Variants in PCSK2 observed in about 807,000 individuals in gnomAD.
The protein encoded by PCSK2 is neuroendocrine convertase 2.
A neutral mutation model predicts 69.7 loss-of-function variants in PCSK2; 14 were observed. That is an observed-to-expected ratio of 0.20 (90% CI 0.13 to 0.31). The LOEUF (loss-of-function observed/expected upper bound fraction) is 0.31, where lower values mean the gene tolerates loss of function less well. Among genes scored for constraint, PCSK2 ranks in the 10% least tolerant of loss-of-function variants. The probability of loss-of-function intolerance (pLI) is 1.00; values close to 1 mark genes in which losing one functional copy is unlikely to be tolerated. For synonymous variants in PCSK2, 307 were observed against 320.7 expected (o/e 0.96, Z 0.46); for missense variants, 544 against 842.5 (o/e 0.65, Z 4.39).
rs1215392652 is a variant in PCSK2 at position 17,268,031 on chromosome 20, GTGTATATATATATATA to G, written c.282+7689_282+7704del. Among the ~76,000 whole-genome samples the G allele has an allele frequency of 9.6e-3, 1,131 of 117,788 alleles. 39 individuals are homozygous for G. The highest frequency in any genetic ancestry group is 0.03 in the African/African-American group (1,025 of 34,168). 77.3% of individuals were successfully genotyped at this position (117,788 alleles called of 152,430 possible). On this transcript the variant is annotated intron_variant, in intron 2 of 11. Transcript: ENST00000262545. ...AAGGAAATGCATTTATATATCCAAT[GTGTATATATATATATA>G]TATATATATATATATAATGCATTTA...
Position 17,481,388 on chromosome 20 carries a change from CAAA to C in PCSK2, c.1431-172_1431-170del, listed in dbSNP as rs3076146. On this transcript the variant is annotated intron_variant, in intron 11 of 11. Transcript: ENST00000262545. ...CAGAGTGGGACCCTGTCTCAAAAGA[CAAA>C]AAAAAAAAAAAAAAAAAAAAAAAGA... Among the ~76,000 whole-genome samples, 278 of 65,672 alleles carry C rather than the reference CAAA, an allele frequency of 4.2e-3. 5 individuals carry two copies. The highest frequency in any genetic ancestry group is 0.018 in the African/African-American group (232 of 13,170). 43.1% of individuals were successfully genotyped at this position (65,672 alleles called of 152,430 possible).
intron 2 of PCSK2, among the ~76,000 whole-genome samples, chr20:17,315,434 T>A (rs1989652894): frequency 6.6e-6 from 1 of 152,218 alleles, no homozygotes; most frequent in Admixed American, 6.5e-5. Flanking sequence ...AGGGAACCCG[T>A]GGGTGGCCGA....
rs187939925 is a variant in PCSK2 at position 17,384,864 on chromosome 20, G to A, written c.543+15587G>A. Among the ~76,000 whole-genome samples the A allele has an allele frequency of 7.3e-4, 111 of 152,226 alleles. 1 individual carries two copies. The highest frequency in any genetic ancestry group is 1.5e-3 in the Non-Finnish European group (102 of 68,014). ...GAGGATCTATTGAGCCTAAGTCGAAGCTACGGTGAGCCACAATCACACCAC... is the reference window on the plus strand; with the variant it reads ...GAGGATCTATTGAGCCTAAGTCGAAACTACGGTGAGCCACAATCACACCAC... On this transcript the variant is annotated intron_variant, in intron 5 of 11. Transcript: ENST00000262545.
intron 2 of PCSK2, among the ~76,000 whole-genome samples, chr20:17,351,962 C>T (rs2030003240): frequency 6.6e-6 from 1 of 152,126 alleles, no homozygotes; most frequent in Non-Finnish European, 1.5e-5. Flanking sequence ...AAAGACTCAA[C>T]CAAAAGGCTC....
chr20:17,260,867 A>G (rs1385336085), intron 2 of PCSK2, among the ~76,000 whole-genome samples: 1 of 152,000 alleles, frequency 6.6e-6, no homozygotes, highest in Non-Finnish European at 1.5e-5. Context: ...TTTTTATCCT[A>G]TATTTTCTAG....
chr20:17,393,743 T>G (rs1267900466), intron 5 of PCSK2, among the ~76,000 whole-genome samples: 3 of 152,168 alleles, frequency 2.0e-5, no homozygotes, highest in Non-Finnish European at 2.9e-5. Flanking sequence ...ATTTCCATTT[T>G]CCACTTGTTT....
chr20:17,337,737 C>A (rs1990394323), intron 2 of PCSK2, among the ~76,000 whole-genome samples: 1 of 151,784 alleles, frequency 6.6e-6, no homozygotes, highest in Admixed American at 6.6e-5. Context: ...CTAGCCTGGG[C>A]AGTATAGGGA....
intron 2 of PCSK2, among the ~76,000 whole-genome samples, chr20:17,261,504 T>C (rs1261404873): frequency 2.0e-5 from 3 of 152,206 alleles, no homozygotes; most frequent in Non-Finnish European, 4.4e-5. Flanking sequence ...TAAAGAGGAA[T>C]TTCTGCTCTA....
intron 2 of PCSK2, among the ~76,000 whole-genome samples, chr20:17,342,637 CTTT>C (rs112434595): frequency 6.9e-6 from 1 of 144,536 alleles, no homozygotes; most frequent in Non-Finnish European, 1.5e-5. Context: ...CTTTAATAAA[CTTT>C]TTTTTTTTTT....
At position 17,482,133 on chromosome 20, in the gene PCSK2, G is replaced by A. The variant is rs1197924985; in HGVS notation, c.*63G>A. ...AGCTCCGCCTCTGTCCTCGCTCCAC[G>A]TTTCAGGCAGGCACCTAGCAATTCC... On this transcript the variant is annotated 3_prime_UTR_variant, in exon 12 of 12. Coordinates refer to ENST00000262545, the MANE Select transcript of PCSK2 (RefSeq NM_002594.5). 6.8e-6 allele frequency: 10 copies of A among 1,469,328 alleles called. No individual in the cohort carries two copies. In the Admixed American group the frequency reaches 9.2e-5, roughly 14 times the overall value. 91.0% of individuals were successfully genotyped at this position (1,469,328 alleles called of 1,614,324 possible). A position where few individuals can be genotyped will look rare whatever the true frequency, so the allele number is the denominator to read the frequency against.
intron 5 of PCSK2, among the ~76,000 whole-genome samples, chr20:17,404,128 A>G (rs1370393449): frequency 6.6e-6 from 1 of 152,144 alleles, no homozygotes; most frequent in Non-Finnish European, 1.5e-5. Context: ...TGGTAAGTCC[A>G]ATGCAGACCC....
intron 2 of PCSK2, among the ~76,000 whole-genome samples, chr20:17,290,356 C>A (rs986327862): frequency 6.6e-6 from 1 of 152,188 alleles, no homozygotes; most frequent in Non-Finnish European, 1.5e-5. Context: ...AATATCAGCC[C>A]ATTTTCTACC....
chr20:17,450,088 C>T (rs1262696963), intron 8 of PCSK2, among the ~76,000 whole-genome samples: 1 of 122,996 alleles, frequency 8.1e-6, no homozygotes, highest in Non-Finnish European at 1.6e-5. Context: ...AGTGCAGTGG[C>T]GCGATCTCGG....
At chr20:17,264,998 G>C (rs766641375) in intron 2 of PCSK2, among the ~76,000 whole-genome samples, 1 of 152,054 alleles carries the variant, frequency 6.6e-6, no homozygotes, top group African/African-American at 2.4e-5. Context: ...TGAGTAGCTG[G>C]GATTATAGGT....
intron 5 of PCSK2, among the ~76,000 whole-genome samples, chr20:17,396,993 G>A (rs943841373): frequency 6.6e-6 from 1 of 152,168 alleles, no homozygotes; most frequent in African/African-American, 2.4e-5. Flanking sequence ...ATTCGAATCT[G>A]CTTCAAGCGA....
intron 6 of PCSK2, among the ~76,000 whole-genome samples, chr20:17,413,189 C>T (rs1158926068): frequency 2.0e-5 from 3 of 152,092 alleles, no homozygotes; most frequent in Non-Finnish European, 4.4e-5. Flanking sequence ...CAATATTAAC[C>T]TTAAATGTAA....
chr20:17,275,072 A>C (rs1988011828), intron 2 of PCSK2, among the ~76,000 whole-genome samples: 1 of 102,346 alleles, frequency 9.8e-6, no homozygotes, highest in Non-Finnish European at 2.0e-5. Context: ...TATTTTGTGC[A>C]TATTATTTAT....
At chr20:17,405,466 A>C (rs1455032506) in intron 5 of PCSK2, among the ~76,000 whole-genome samples, 1 of 152,096 alleles carries the variant, frequency 6.6e-6, no homozygotes, top group Non-Finnish European at 1.5e-5. Context: ...AGGAGCTCTC[A>C]CCTCTCTCAT....
chr20:17,391,916 G>GGAAGGAAGGAAGGAAGGAAA (rs1460374355), intron 5 of PCSK2, among the ~76,000 whole-genome samples: 2 of 116,154 alleles, frequency 1.7e-5, no homozygotes, highest in African/African-American at 5.8e-5. Context: ...GAGGAAGGAA[G>GGAAGGAAGGAAGGAAGGAAA]GAAGGAAGGA....
Sources: allele counts gnomAD v4.1 joint callset (sites outside exome capture counted in the v4.1 genomes callset), GRCh38; gene constraint gnomAD v4.1.1; transcripts MANE v1.5; gene names NCBI Gene and HGNC (gene_info 2026-07-23, HGNC 2026-07-21).